PUM1: variants seen among roughly 807,000 people sequenced by gnomAD.
PUM1 encodes pumilio RNA binding family member 1.
Under a neutral mutation model 131.8 loss-of-function variants are expected in PUM1, and 13 were observed. That is an observed-to-expected ratio of 0.10 (90% CI 0.06 to 0.16). The LOEUF is 0.16. Ranked by LOEUF, PUM1 falls within the 10% of genes least tolerant of loss-of-function variation. PUM1 has a pLI of 1.00. For missense variants in PUM1, 961 were observed against 1,512.4 expected (o/e 0.64, Z 6.05); for synonymous variants, 509 against 556.5 (o/e 0.91, Z 1.20).
intron 2 of PUM1, chr1:31,055,455 A>C (rs1644214989): frequency 2.2e-6 from 1 of 455,628 alleles, no homozygotes; most frequent in Non-Finnish European, 4.4e-6. Flanking sequence ...CAACACTAAA[A>C]CCAGTACAAT....
intron 1 of PUM1, among the ~76,000 whole-genome samples, chr1:31,061,045 T>C (rs1644355985): frequency 6.6e-6 from 1 of 152,210 alleles, no homozygotes; most frequent in African/African-American, 2.4e-5. Context: ...TTTAAAAGCA[T>C]TAATATTTTT....
chr1:31,036,298 C>T (rs1247792083), intron 2 of PUM1, among the ~76,000 whole-genome samples: 1 of 152,020 alleles, frequency 6.6e-6, no homozygotes, highest in Non-Finnish European at 1.5e-5. Context: ...TCTTGAACTC[C>T]GACCTCATGA....
intron 14 of PUM1, among the ~76,000 whole-genome samples, chr1:30,963,317 A>G (rs1000608971): frequency 6.6e-6 from 1 of 152,144 alleles, no homozygotes; most frequent in Non-Finnish European, 1.5e-5. Context: ...ACTAGGAAAC[A>G]CTGTTGTGCA....
intron 14 of PUM1, among the ~76,000 whole-genome samples, chr1:30,956,249 CTGTTTTTTTTTGTTTTGTTTTT>C (rs1358924123): frequency 6.6e-6 from 1 of 151,814 alleles, no homozygotes; most frequent in Non-Finnish European, 1.5e-5. Flanking sequence ...AGTCATAAGA[CTGTTTTTTTTTGTTTTGTTTTT>C]TGTTTTTTTT....
chr1:31,058,661 T>TAAA (rs11418698), intron 2 of PUM1, among the ~76,000 whole-genome samples: 1 of 125,388 alleles, frequency 8.0e-6, no homozygotes. Context: ...GACTCCGTCT[T>TAAA]AAAAAAAAAA....
At chr1:31,013,795 T>C (rs1458207904) in intron 3 of PUM1, among the ~76,000 whole-genome samples, 4 of 152,238 alleles carry the variant, frequency 2.6e-5, no homozygotes, top group Non-Finnish European at 5.9e-5. Context: ...TCACAACTTA[T>C]GTAGTCTCTC....
chr1:30,984,614 G>A (rs1641476539), intron 7 of PUM1, among the ~76,000 whole-genome samples: 1 of 152,186 alleles, frequency 6.6e-6, no homozygotes, highest in Non-Finnish European at 1.5e-5. Flanking sequence ...GCATATCGAG[G>A]TTCCTAATAA....
At chr1:30,974,824 TAAAG>T in intron 9 of PUM1, 22 bp from the exon 10 acceptor site, 1 of 1,592,944 alleles carries the variant, frequency 6.3e-7, no homozygotes, top group Admixed American at 1.7e-5. Context: ...AAAAGAAAGG[TAAAG>T]AAAGTCTGAA....
chr1:30,996,795 A>G (rs1166368406), intron 5 of PUM1, among the ~76,000 whole-genome samples: 2 of 152,230 alleles, frequency 1.3e-5, no homozygotes, highest in East Asian at 3.8e-4. Flanking sequence ...AGGCAAAAAG[A>G]TCTTTCAAAA....
At chr1:30,952,978 A>AAAAAC (rs370476677) in intron 15 of PUM1, among the ~76,000 whole-genome samples, 10,513 of 151,352 alleles carry the variant, frequency 0.069, 610 homozygotes, top group East Asian at 0.27. Flanking sequence ...TCTGTCTCAA[A>AAAAAC]AAAACAAAAC....
intron 5 of PUM1, among the ~76,000 whole-genome samples, chr1:30,998,987 G>GTGTTTTTGTTTT (rs151177933): frequency 2.4e-4 from 37 of 151,900 alleles, no homozygotes; most frequent in African/African-American, 7.0e-4. Flanking sequence ...TAGCTGTGTG[G>GTGTTTTTGTTTT]TGTTTTTGTT....
At chr1:30,997,862 G>A (rs1018489168) in intron 5 of PUM1, among the ~76,000 whole-genome samples, 9 of 152,074 alleles carry the variant, frequency 5.9e-5, no homozygotes, top group Admixed American at 2.6e-4. Flanking sequence ...GCACCACCAC[G>A]CCCGGCATGG....
At chr1:31,032,434 G>A (rs1315411267) in intron 2 of PUM1, among the ~76,000 whole-genome samples, 1 of 152,134 alleles carries the variant, frequency 6.6e-6, no homozygotes, top group African/African-American at 2.4e-5. Context: ...CATCAAGGTA[G>A]AATAAGCCTT....
chr1:30,951,365 G>C (rs1366919151), intron 16 of PUM1, among the ~76,000 whole-genome samples: 2 of 152,208 alleles, frequency 1.3e-5, no homozygotes, highest in Non-Finnish European at 2.9e-5. Context: ...GAAGAATTCA[G>C]GGTGAAAAAA....
chr1:31,065,232 T>C (rs994610874), intron 1 of PUM1, among the ~76,000 whole-genome samples: 1 of 151,990 alleles, frequency 6.6e-6, no homozygotes, highest in Non-Finnish European at 1.5e-5. Context: ...TTACACTTCA[T>C]GGCCACACAG....
rs148676938 is a variant in PUM1 at position 30,960,604 on chromosome 1, T to A, written c.2323+4070A>T. Among the ~76,000 whole-genome samples, 796 of 152,148 alleles carry A rather than the reference T, an allele frequency of 5.2e-3. 7 individuals carry two copies. Among genetic ancestry groups the A allele is most frequent in the African/African-American group, 0.018 (735 of 41,466 alleles). On this transcript the variant is annotated intron_variant, in intron 14 of 21. Transcript: ENST00000426105. The stretch of plus-strand genomic sequence containing the variant: ...CAATTGTATTTCCATAAGCAAGCAA[T>A]AGTCTATCAAAAGATAAAACCGGAA...
At chr1:30,981,753 C>T (rs1323390419) in intron 7 of PUM1, among the ~76,000 whole-genome samples, 2 of 151,956 alleles carry the variant, frequency 1.3e-5, no homozygotes, top group Non-Finnish European at 2.9e-5. Context: ...CATATATATG[C>T]ATTCAAAAGC....
chr1:30,987,468 T>TAC (rs767341851), intron 7 of PUM1, among the ~76,000 whole-genome samples: 2 of 152,186 alleles, frequency 1.3e-5, no homozygotes, highest in African/African-American at 2.4e-5. Context: ...GTGCTGAGAT[T>TAC]ACAGGCGTGA....
intron 2 of PUM1, among the ~76,000 whole-genome samples, chr1:31,055,686 G>GAT (rs1455734712): frequency 6.6e-6 from 1 of 152,194 alleles, no homozygotes; most frequent in Non-Finnish European, 1.5e-5. Flanking sequence ...AACTGACCTG[G>GAT]ATAAAACTGC....
Sources: gnomAD v4.1 joint callset for allele counts (sites outside exome capture counted in the v4.1 genomes callset) on GRCh38, gnomAD v4.1.1 for gene constraint, MANE v1.5 for transcripts, NCBI Gene and HGNC (gene_info 2026-07-23, HGNC 2026-07-21) for gene names.